The following CIT variants were observed in gnomAD, a reference collection of about 807,000 sequenced individuals.
The protein encoded by CIT is citron rho-interacting serine/threonine kinase, also known as citron Rho-interacting kinase.
CIT carries 79 observed loss-of-function variants against 272.7 expected under a neutral mutation model. The observed-to-expected ratio is 0.29, with a 90% CI of 0.24 to 0.35. The LOEUF is 0.35. Among genes scored for constraint, CIT ranks in the 10% least tolerant of loss-of-function variants. CIT has a pLI of 1.00. For missense variants in CIT, 1,909 were observed against 2,618.3 expected, an observed-to-expected ratio of 0.73 and a Z score of 5.91; for synonymous variants, 948 against 995.6, an observed-to-expected ratio of 0.95 and a Z score of 0.90.
chr12:119,708,033 C>G, intron 40 of CIT, 146 bp downstream of exon 40: 1 of 872,098 alleles, frequency 1.1e-6, no homozygotes, highest in South Asian at 2.9e-5. Flanking sequence ...GTTCCCAAAT[C>G]AATCTCTTTT....
intron 3 of CIT, among the ~76,000 whole-genome samples, chr12:119,864,125 GA>G (rs796080884): frequency 3.7e-3 from 513 of 138,108 alleles, no homozygotes; most frequent in African/African-American, 9.5e-3. Flanking sequence ...TTTGCAATAA[GA>G]AAAAAAAAAA....
intron 2 of CIT, among the ~76,000 whole-genome samples, chr12:119,871,045 G>C (rs1950660145): frequency 6.6e-6 from 1 of 151,898 alleles, no homozygotes. Context: ...CTTGAACCCA[G>C]GAGGCGGAGG....
chr12:119,767,975 G>A (rs1456354863), intron 18 of CIT, among the ~76,000 whole-genome samples: 2 of 150,170 alleles, frequency 1.3e-5, no homozygotes, highest in Non-Finnish European at 1.5e-5. Flanking sequence ...GCACTGGCGC[G>A]ATCTTGGCTC....
At position 119,804,199 on chromosome 12, in the gene CIT, C is replaced by T. The variant is rs1966447653; in HGVS notation, c.1112-810G>A. On this transcript the variant is annotated intron_variant, in intron 9 of 47. Transcript: ENST00000392521. The surrounding 1 kb of genome is among the most constrained non-coding windows in gnomAD (Gnocchi z 5.3). ...TTCACTCCCGGCTGGGGGCGTGTTACATCCTCTCCACTTCCTCCGACCTAC... is the reference window on the plus strand; with the variant it reads ...TTCACTCCCGGCTGGGGGCGTGTTATATCCTCTCCACTTCCTCCGACCTAC... 1.0e-6 allele frequency: 1 copy of T among 985,426 alleles called. No individual in the cohort carries two copies. Among genetic ancestry groups the T allele is most frequent in the African/African-American group, 1.7e-5 (1 of 57,240 alleles). The allele number at this position is 985,426 out of a possible 1,614,324, so 61.0% of individuals were successfully genotyped here.
intron 2 of CIT, among the ~76,000 whole-genome samples, chr12:119,870,278 C>T (rs561816723): frequency 3.9e-5 from 6 of 152,196 alleles, no homozygotes; most frequent in South Asian, 4.2e-4. Flanking sequence ...CGGCCAGACA[C>T]GGTGGCTCAC....
rs574967 is a variant in CIT at position 119,789,936 on chromosome 12, A to T, written c.1296-4871T>A. On this transcript the variant is annotated intron_variant, in intron 10 of 47. Coordinates refer to ENST00000392521, the MANE Select transcript of CIT (RefSeq NM_001206999.2). ...TCACCATGTTGGCCAGGATGGTCTC[A>T]ATCTCCTGACCTCATGATCTGCCCG... 2.7e-5 allele frequency among the ~76,000 whole-genome samples: 4 copies of T among 150,784 alleles called. No homozygotes were observed. The East Asian group carries it at 7.8e-4, about 30-fold the overall frequency.
chr12:119,856,887 A>G (rs2138301138), intron 4 of CIT, among the ~76,000 whole-genome samples: 1 of 152,374 alleles, frequency 6.6e-6, no homozygotes, highest in Non-Finnish European at 1.5e-5. Flanking sequence ...AGCTGGGTAC[A>G]TTATCAGACA....
In CIT at chr12:119,768,926, T is replaced by C. The variant is rs1962775815; in HGVS notation, c.2209-1744A>G. 6.6e-6 allele frequency among the ~76,000 whole-genome samples: 1 copy of C among 152,202 alleles called. No individual in the cohort carries two copies. Among genetic ancestry groups the C allele is most frequent in the African/African-American group, 2.4e-5 (1 of 41,454 alleles). ...CTCTTTGCCCACCTCCTAGATACTT[T>C]GCAGCCTAAGCACAGGGTTCTTGAG... On this transcript the variant is annotated intron_variant, in intron 18 of 47. Transcript: ENST00000392521. The surrounding 1 kb of genome is among the most constrained non-coding windows in gnomAD (Gnocchi z 4.3).
At chr12:119,702,737 G>A (rs934360256) in intron 41 of CIT, among the ~76,000 whole-genome samples, 1 of 151,534 alleles carries the variant, frequency 6.6e-6, no homozygotes, top group African/African-American at 2.4e-5. Context: ...TGAAGAGACA[G>A]ATCTTGAACA....
At chr12:119,721,593 C>T in intron 28 of CIT, 144 bp from the exon 29 acceptor site, 1 of 788,208 alleles carries the variant, frequency 1.3e-6, no homozygotes, top group Non-Finnish European at 1.9e-6. Context: ...TACCAATTGT[C>T]ATCTATTCCA....
At chr12:119,696,868 C>T (rs1468078859) in intron 46 of CIT, among the ~76,000 whole-genome samples, 1 of 152,190 alleles carries the variant, frequency 6.6e-6, no homozygotes, top group Non-Finnish European at 1.5e-5. Context: ...TGCATACTCT[C>T]CTGTACCTTG....
At chr12:119,837,803 C>G (rs1364831569) in intron 5 of CIT, among the ~76,000 whole-genome samples, 4 of 152,216 alleles carry the variant, frequency 2.6e-5, no homozygotes, top group Non-Finnish European at 4.4e-5. Flanking sequence ...GGCATGTTGG[C>G]TCATGCCTAT....
intron 10 of CIT, among the ~76,000 whole-genome samples, chr12:119,797,191 T>C (rs1413826938): frequency 6.6e-6 from 1 of 152,160 alleles, no homozygotes; most frequent in African/African-American, 2.4e-5. Flanking sequence ...CCATGCAAAT[T>C]AGCATGTGTA....
In CIT at chr12:119,770,975, C is replaced by G; in HGVS notation, c.2083-65G>C. On this transcript the variant is annotated intron_variant, in intron 17 of 47. Transcript: ENST00000392521. The surrounding 1 kb of genome is among the most constrained non-coding windows in gnomAD (Gnocchi z 4.4). ...ACCGCTATGGGCATAACACCTGCAC[C>G]GAGGGAAAGAGCCCTCAAGAAGCAT... 1 of 1,564,094 alleles carries G rather than the reference C, an allele frequency of 6.4e-7. No homozygotes were observed. The highest frequency in any genetic ancestry group is 1.2e-5 in the South Asian group (1 of 83,438).
chr12:119,701,624 C>T lies in CIT; in HGVS notation c.5542G>A (p.Glu1848Lys). Residue 1848 changes from glutamate to lysine, a missense_variant and splice_region_variant, in exon 43 of 48, where the codon GAA becomes AAA. Physicochemically the swap from Glu to Lys is moderately conservative, Grantham distance 56. Transcript: ENST00000392521. ...GGCAGTGGGCGCAGCCACGACTCACCGTGGAAACACAGCAAGTACTCCTCT... is the reference window on the plus strand; with the variant it reads ...GGCAGTGGGCGCAGCCACGACTCACTGTGGAAACACAGCAAGTACTCCTCT... ...QREEYLLCFH[E>K]FGVFVDSYGR... is the part of the protein sequence containing the mutation. The T allele has an allele frequency of 5.0e-6, 8 of 1,613,490 alleles. No individual in the cohort carries two copies. The highest frequency in any genetic ancestry group is 6.8e-6 in the Non-Finnish European group (8 of 1,179,706).
chr12:119,757,117 T>TA lies in CIT; in HGVS notation c.2706+253dup, dbSNP rs367882787. The stretch of plus-strand genomic sequence containing the variant: ...CCTGGACAACAGAGCAAGACTCTCT[T>TA]AAAAAAAAAAAAAAAAGAGGTTAGC... On this transcript the variant is annotated intron_variant, in intron 22 of 47. Transcript: ENST00000392521. Among the ~76,000 whole-genome samples the TA allele has an allele frequency of 0.079, 10,407 of 132,320 alleles. 879 individuals are homozygous for TA. The highest frequency in any genetic ancestry group is 0.21 in the African/African-American group (7,782 of 36,270). The allele number at this position is 132,320 out of a possible 152,430, so 86.8% of individuals were successfully genotyped here.
intron 19 of CIT, 146 bp from the exon 20 acceptor site, chr12:119,761,201 A>G (rs1961749559): frequency 1.4e-6 from 1 of 699,030 alleles, no homozygotes. Flanking sequence ...AAGAGAAGGC[A>G]AAAACTGGGA....
rs886037892 is a variant in CIT at position 119,857,620 on chromosome 12, C to A, written c.317G>T (p.Gly106Val). ...DFEVRSLVGC[G>V]HFAEVQVVRE... is the part of the protein sequence containing the mutation. ...TACCACCTGCACTTCAGCAAAGTGA[C>A]CACAACCTACAAGACTTCTGACTTC... The change falls in exon 4 of 48, where the codon GGT becomes GTT. Residue 106 changes from glycine (G) to valine (V), a missense_variant. By Grantham distance (109) the Gly-to-Val change is moderately radical (BLOSUM62 -3). This residue lies in a region of CIT where 529 missense variants were observed against 549.6 expected (regional missense o/e 0.96). Coordinates refer to ENST00000392521, the MANE Select transcript of CIT (RefSeq NM_001206999.2). 2 of 1,614,184 alleles carry A rather than the reference C, an allele frequency of 1.2e-6. No individual in the cohort carries two copies. The highest frequency in any genetic ancestry group is 1.7e-6 in the Non-Finnish European group (2 of 1,180,032).
At chr12:119,771,557 T>A (rs1221024794) in intron 17 of CIT, among the ~76,000 whole-genome samples, 1 of 151,070 alleles carries the variant, frequency 6.6e-6, no homozygotes, top group Non-Finnish European at 1.5e-5. Context: ...AGGTTGAGGG[T>A]TTCAGGTACC....
Sources: allele counts gnomAD v4.1 joint callset (sites outside exome capture counted in the v4.1 genomes callset), GRCh38; gene constraint gnomAD v4.1.1; regional missense constraint gnomAD v4.1.1; non-coding constraint Gnocchi (gnomAD v3.1); transcripts MANE v1.5; gene names NCBI Gene and HGNC (gene_info 2026-07-23, HGNC 2026-07-21).